NAALADL2: variants seen among roughly 807,000 people sequenced by gnomAD.
NAALADL2 encodes inactive N-acetylated-alpha-linked acidic dipeptidase-like protein 2.
Under a neutral mutation model 87.2 loss-of-function variants are expected in NAALADL2, and 76 were observed. The ratio of observed to expected loss-of-function variants is 0.87; its 90% CI spans 0.72 to 1.05. The LOEUF (loss-of-function observed/expected upper bound fraction) is 1.05. Among genes scored for constraint, NAALADL2 ranks in the 50% least tolerant of loss-of-function variants. The pLI is 0.00. For synonymous variants in NAALADL2, 354 were observed against 331.0 expected (o/e 1.07, Z -0.75); for missense variants, 1,089 against 945.8 (o/e 1.15, Z -1.99).
chr3:175,013,297 A>ATTTTTTTT (rs1293274493), intron 1 of NAALADL2, among the ~76,000 whole-genome samples: 1 of 77,564 alleles, frequency 1.3e-5, no homozygotes, highest in Non-Finnish European at 2.2e-5. Flanking sequence ...ATATATATAT[A>ATTTTTTTT]TATATTTTTT....
chr3:175,030,185 C>T (rs979913889), intron 1 of NAALADL2, among the ~76,000 whole-genome samples: 3 of 152,042 alleles, frequency 2.0e-5, no homozygotes, highest in African/African-American at 7.2e-5. Context: ...TTTCCATTTG[C>T]ACACTTGTTG....
At chr3:175,122,277 T>A (rs1726273446) in intron 2 of NAALADL2, among the ~76,000 whole-genome samples, 1 of 151,860 alleles carries the variant, frequency 6.6e-6, no homozygotes, top group Non-Finnish European at 1.5e-5. Flanking sequence ...AGGATATGTG[T>A]TGGCTTTATT....
chr3:175,801,299 TG>T (rs1754116176), intron 13 of NAALADL2, among the ~76,000 whole-genome samples: 1 of 152,142 alleles, frequency 6.6e-6, no homozygotes, highest in Admixed American at 6.6e-5. Context: ...ATCCTTTTGC[TG>T]GTTTCCTATT....
At chr3:175,333,910 T>G (rs750306314) in intron 5 of NAALADL2, among the ~76,000 whole-genome samples, 9 of 152,160 alleles carry the variant, frequency 5.9e-5, no homozygotes, top group Admixed American at 1.3e-4. Flanking sequence ...TCATTATACA[T>G]TCCATGCATG....
intron 10 of NAALADL2, among the ~76,000 whole-genome samples, chr3:175,588,534 CTTTTT>C (rs1168817019): frequency 3.8e-5 from 3 of 78,142 alleles, no homozygotes; most frequent in East Asian, 3.7e-4. Context: ...TCTTTCTTTT[CTTTTT>C]TTTTTTTTTT....
At chr3:175,470,166 C>T (rs1189917711) in intron 8 of NAALADL2, among the ~76,000 whole-genome samples, 1 of 152,040 alleles carries the variant, frequency 6.6e-6, no homozygotes, top group Non-Finnish European at 1.5e-5. Context: ...AAATTGTATT[C>T]CATTGTGTAT....
chr3:174,686,470 T>A (rs1450275931), intron 2 of NAALADL2, among the ~76,000 whole-genome samples: 1 of 152,062 alleles, frequency 6.6e-6, no homozygotes, highest in African/African-American at 2.4e-5. Context: ...GATGTTAAGC[T>A]TTTTTCATAT....
intron 5 of NAALADL2, among the ~76,000 whole-genome samples, chr3:175,437,632 C>T (rs370976526): frequency 6.6e-6 from 1 of 150,392 alleles, no homozygotes; most frequent in Middle Eastern, 3.4e-3. Context: ...AAAAGGAGCC[C>T]GCATTGCCAA....
intron 1 of NAALADL2, among the ~76,000 whole-genome samples, chr3:175,078,057 C>T (rs1282588339): frequency 6.6e-6 from 1 of 150,844 alleles, no homozygotes; most frequent in Non-Finnish European, 1.5e-5. Flanking sequence ...GACAATCTCA[C>T]TCCGTCACCC....
chr3:175,549,805 A>G (rs1714038762), intron 9 of NAALADL2, among the ~76,000 whole-genome samples: 5 of 152,082 alleles, frequency 3.3e-5, no homozygotes. Context: ...AGTGGAGGAA[A>G]CACATCTCCC....
Position 174,871,452 on chromosome 3 carries a change from G to A in NAALADL2, c.43+12002G>A, listed in dbSNP as rs545341834. 5.9e-5 allele frequency among the ~76,000 whole-genome samples: 9 copies of A among 152,298 alleles called. No homozygotes were observed. In the South Asian group the frequency reaches 6.2e-4, roughly 11 times the overall value. ...AGAAAAGTTGTTTCTTTCTTGTTCC[G>A]TAGCCAGTGAAAGTTTGCCACATAG... On this transcript the variant is annotated intron_variant, in intron 1 of 13. Transcript: ENST00000454872.
chr3:175,329,348 G>A (rs1761124611), intron 5 of NAALADL2, among the ~76,000 whole-genome samples: 1 of 152,102 alleles, frequency 6.6e-6, no homozygotes, highest in African/African-American at 2.4e-5. Context: ...ACAATTCAGT[G>A]GATCTCTGTG....
intron 1 of NAALADL2, among the ~76,000 whole-genome samples, chr3:174,938,120 C>T (rs572651515): frequency 8.5e-5 from 13 of 152,068 alleles, no homozygotes; most frequent in African/African-American, 2.9e-4. Context: ...TATTTCATCA[C>T]CCAGTTTTTA....
intron 10 of NAALADL2, among the ~76,000 whole-genome samples, chr3:175,588,539 T>C (rs866571536): frequency 1.5e-4 from 20 of 130,212 alleles, no homozygotes; most frequent in South Asian, 7.6e-4. Context: ...CTTTTCTTTT[T>C]TTTTTTTTTT....
intron 1 of NAALADL2, among the ~76,000 whole-genome samples, chr3:174,866,321 T>G (rs1447080585): frequency 6.6e-6 from 1 of 151,892 alleles, no homozygotes; most frequent in African/African-American, 2.4e-5. Flanking sequence ...TAGATGATTT[T>G]CCTTTGAGCT....
intron 1 of NAALADL2, among the ~76,000 whole-genome samples, chr3:174,924,951 T>G (rs1309640364): frequency 9.2e-5 from 14 of 152,192 alleles, no homozygotes; most frequent in Non-Finnish European, 1.5e-4. Context: ...TTTAAGTTCT[T>G]TGTAGATTCT....
intron 9 of NAALADL2, among the ~76,000 whole-genome samples, chr3:175,560,659 C>T (rs1716122460): frequency 6.6e-6 from 1 of 152,028 alleles, no homozygotes; most frequent in Admixed American, 6.6e-5. Context: ...TGGTTTGTTT[C>T]AAGAAAGTTT....
At chr3:174,742,660 T>C (rs576127024) in intron 3 of NAALADL2, among the ~76,000 whole-genome samples, 95 of 151,704 alleles carry the variant, frequency 6.3e-4, no homozygotes, top group Non-Finnish European at 1.2e-3. Flanking sequence ...TATTTAAAAG[T>C]GACACCTACT....
chr3:174,668,823 G>A (rs1350012507), intron 2 of NAALADL2, among the ~76,000 whole-genome samples: 1 of 152,188 alleles, frequency 6.6e-6, no homozygotes, highest in Non-Finnish European at 1.5e-5. Flanking sequence ...GTCTGTCATT[G>A]TTGGACATTT....
Sources: gnomAD v4.1 joint callset for allele counts (sites outside exome capture counted in the v4.1 genomes callset) on GRCh38, gnomAD v4.1.1 for gene constraint, MANE v1.5 for transcripts, NCBI Gene and HGNC (gene_info 2026-07-23, HGNC 2026-07-21) for gene names.